TAF5L: variants seen among roughly 807,000 people sequenced by gnomAD.
TAF5L encodes TAF5-like RNA polymerase II p300/CBP-associated factor-associated factor 65 kDa subunit 5L.
TAF5L carries 7 observed loss-of-function variants against 51.3 expected under a neutral mutation model. That is an observed-to-expected ratio of 0.14 (90% confidence interval 0.08 to 0.26). The LOEUF (loss-of-function observed/expected upper bound fraction) is 0.26, where lower values mean the gene tolerates loss of function less well. TAF5L is among the 10% of genes least tolerant of loss of function. TAF5L has a pLI of 1.00. For synonymous variants in TAF5L, 291 were observed against 308.1 expected, an observed-to-expected ratio of 0.94 and a Z score of 0.58; for missense variants, 575 against 758.9, an observed-to-expected ratio of 0.76 and a Z score of 2.85.
At position 229,619,085 on chromosome 1, in the gene TAF5L, T is replaced by C. The variant is rs529594474; in HGVS notation, c.-3-4600A>G. ...AAAAAATTATTTTTTTGCATTTTTT[T>C]GTAAAGTGTCTACTAGGTAACTCAA... is the stretch of plus-strand genomic sequence containing the variant. On this transcript the variant is annotated intron_variant, in intron 1 of 4. Transcript: ENST00000258281. Among the ~76,000 whole-genome samples, 10 of 152,376 alleles carry C rather than the reference T, an allele frequency of 6.6e-5. No individual in the cohort carries two copies. The East Asian group carries it at 1.9e-3, about 29-fold the overall frequency.
At chr1:229,604,390 A>G (rs1402324681) in intron 3 of TAF5L, among the ~76,000 whole-genome samples, 1 of 152,222 alleles carries the variant, frequency 6.6e-6, no homozygotes, top group Non-Finnish European at 1.5e-5. Context: ...TATTTAGAGG[A>G]TGAAAAATTA....
At chr1:229,600,618 A>T (rs1008983417) in intron 4 of TAF5L, 1 of 985,314 alleles carries the variant, frequency 1.0e-6, no homozygotes, top group African/African-American at 1.7e-5. Flanking sequence ...AGACAGTGTC[A>T]CTACATCACT....
chr1:229,624,475 C>T (rs746601594), intron 1 of TAF5L, among the ~76,000 whole-genome samples: 6 of 152,126 alleles, frequency 3.9e-5, no homozygotes, highest in Non-Finnish European at 8.8e-5. Flanking sequence ...TAATAGCTAA[C>T]ATTTAGCTAT....
chr1:229,610,876 T>C (rs1664762201), intron 2 of TAF5L, among the ~76,000 whole-genome samples: 1 of 152,216 alleles, frequency 6.6e-6, no homozygotes, highest in African/African-American at 2.4e-5. Flanking sequence ...ATTCTCAACA[T>C]TCTCTTTTCC....
At chr1:229,601,627 G>A (rs1385593331) in intron 4 of TAF5L, 1 of 986,162 alleles carries the variant, frequency 1.0e-6, no homozygotes, top group African/African-American at 1.7e-5. Flanking sequence ...TTCTCCAAGT[G>A]GGGTCTGGGA....
In TAF5L at chr1:229,625,693, G is replaced by A. The variant is rs1354905095; in HGVS notation, c.-4+192C>T. The stretch of plus-strand genomic sequence containing the variant: ...GGGACTCGGGAGGCCGAGGGCGGAG[G>A]CGCGGCCGTCGCGCCCGCGCAGAGC... On this transcript the variant is annotated intron_variant, in intron 1 of 4. Transcript: ENST00000258281. This position sits in a 1 kb window ranked among gnomAD's most constrained non-coding sequence, Gnocchi z 4.0. Among the ~76,000 whole-genome samples, 1 of 147,954 alleles carries A rather than the reference G, an allele frequency of 6.8e-6. No homozygotes were observed. The highest frequency in any genetic ancestry group is 1.5e-5 in the Non-Finnish European group (1 of 66,566).
At chr1:229,608,058 GTAATAATTTT>G (rs1398360467) in intron 3 of TAF5L, among the ~76,000 whole-genome samples, 2 of 152,110 alleles carry the variant, frequency 1.3e-5, no homozygotes, top group Non-Finnish European at 2.9e-5. Context: ...AATCCTTGTG[GTAATAATTTT>G]TAATGGTAAA....
rs540704433 is a variant in TAF5L at position 229,623,858 on chromosome 1, CCTT to C, written c.-4+2024_-4+2026del. Among the ~76,000 whole-genome samples the C allele has an allele frequency of 1.2e-3, 176 of 152,326 alleles. 1 individual carries two copies. The highest frequency in any genetic ancestry group is 2.1e-3 in the Non-Finnish European group (142 of 68,040). On this transcript the variant is annotated intron_variant, in intron 1 of 4. Transcript: ENST00000258281. ...CCTGGCTGAAGGGTCTGAGCTCTCA[CCTT>C]CTACAGCATCTTGCTGCTCAAAGGA...
chr1:229,621,228 G>C (rs1665190430), intron 1 of TAF5L, among the ~76,000 whole-genome samples: 1 of 152,218 alleles, frequency 6.6e-6, no homozygotes, highest in African/African-American at 2.4e-5. Flanking sequence ...GAGTTCTACA[G>C]AATGACATTA....
intron 1 of TAF5L, among the ~76,000 whole-genome samples, chr1:229,617,746 AATGAATGATAGTCAACACTG>A (rs1455407000): frequency 6.6e-6 from 1 of 152,216 alleles, no homozygotes; most frequent in Non-Finnish European, 1.5e-5. Flanking sequence ...ACGGAGTAAG[AATGAATGATAGTCAACACTG>A]ACCATATTTA....
At chr1:229,610,012 G>A (rs1477143722) in intron 3 of TAF5L, 94 bp downstream of exon 3, 2 of 991,968 alleles carry the variant, frequency 2.0e-6, no homozygotes, top group East Asian at 2.5e-5. Context: ...ACCGCTCCTT[G>A]TGGAGCAGGG....
At chr1:229,623,864 A>C (rs1488451207) in intron 1 of TAF5L, among the ~76,000 whole-genome samples, 1 of 152,176 alleles carries the variant, frequency 6.6e-6, no homozygotes, top group African/African-American at 2.4e-5. Context: ...CTCACCTTCT[A>C]CAGCATCTTG....
intron 2 of TAF5L, among the ~76,000 whole-genome samples, chr1:229,611,721 T>C (rs1664799101): frequency 6.6e-6 from 1 of 152,228 alleles, no homozygotes; most frequent in Non-Finnish European, 1.5e-5. Context: ...ACTGCGTCTT[T>C]TAACTAGTTT....
intron 2 of TAF5L, 98 bp downstream of exon 2, chr1:229,614,243 T>G (rs748615070): frequency 6.2e-7 from 1 of 1,606,906 alleles, no homozygotes; most frequent in Non-Finnish European, 8.5e-7. Context: ...CTGCTCTCTC[T>G]GGCACTGTCT....
In TAF5L at chr1:229,624,606, TAA is replaced by T. The variant is rs35382172; in HGVS notation, c.-4+1277_-4+1278del. On this transcript the variant is annotated intron_variant, in intron 1 of 4. Coordinates refer to ENST00000258281, the Ensembl canonical transcript of TAF5L. ...ATAGAGGCACCCTGTCTCTTAAAGA[TAA>T]AAAAAAATCCACGTTTAAGTTATTC... 2.0e-5 allele frequency among the ~76,000 whole-genome samples: 3 copies of T among 151,486 alleles called. No homozygotes were observed. The South Asian group carries it at 6.3e-4, about 32-fold the overall frequency.
chr1:229,614,973 T>G (rs1243490763), intron 1 of TAF5L, among the ~76,000 whole-genome samples: 3 of 152,164 alleles, frequency 2.0e-5, no homozygotes, highest in Admixed American at 1.3e-4. Context: ...TAACAAAGCA[T>G]GAAGTTAACA....
intron 4 of TAF5L, among the ~76,000 whole-genome samples, chr1:229,596,227 T>G (rs1200616501): frequency 6.6e-6 from 1 of 152,150 alleles, no homozygotes; most frequent in Non-Finnish European, 1.5e-5. Flanking sequence ...TGAACTGTGA[T>G]GGCACCACTG....
intron 1 of TAF5L, among the ~76,000 whole-genome samples, chr1:229,623,164 C>G (rs1665279430): frequency 6.6e-6 from 1 of 152,190 alleles, no homozygotes; most frequent in Non-Finnish European, 1.5e-5. Flanking sequence ...GTCCCAGGTA[C>G]TGGGGAGGCT....
exon 1 of TAF5L, chr1:229,626,026 C>A (rs1665451148): frequency 6.6e-6 from 1 of 151,192 alleles, no homozygotes; most frequent in South Asian, 1.8e-4. Flanking sequence ...CCGCCGCCCC[C>A]GCCGCCGCTC....
Sources: gnomAD v4.1 joint callset for allele counts (sites outside exome capture counted in the v4.1 genomes callset) on GRCh38, gnomAD v4.1.1 for gene constraint, Gnocchi (gnomAD v3.1) non-coding constraint, MANE v1.5 for transcripts, NCBI Gene and HGNC (gene_info 2026-07-23, HGNC 2026-07-21) for gene names.